CDK8: variants seen among roughly 807,000 people sequenced by gnomAD.
CDK8 encodes the protein cyclin dependent kinase 8.
CDK8 carries 29 observed loss-of-function variants against 71.5 expected under a neutral mutation model. The ratio of observed to expected loss-of-function variants is 0.41; its 90% CI spans 0.30 to 0.55. CDK8 has a LOEUF of 0.55. Ranked by LOEUF, CDK8 falls within the 20% of genes least tolerant of loss-of-function variation. The pLI, the probability that CDK8 is intolerant of heterozygous loss-of-function variation, is 0.37. For synonymous variants in CDK8, 161 were observed against 192.1 expected, an observed-to-expected ratio of 0.84 and a Z score of 1.34; for missense variants, 288 against 572.6, an observed-to-expected ratio of 0.50 and a Z score of 5.07.
At chr13:26,290,116 C>A (rs1204578140) in intron 1 of CDK8, among the ~76,000 whole-genome samples, 1 of 152,006 alleles carries the variant, frequency 6.6e-6, no homozygotes, top group African/African-American at 2.4e-5. Context: ...AAACTAGATC[C>A]AGGAAGTTGC....
intron 1 of CDK8, among the ~76,000 whole-genome samples, chr13:26,298,938 A>C (rs1873689148): frequency 1.3e-5 from 2 of 151,994 alleles, no homozygotes; most frequent in Non-Finnish European, 2.9e-5. Context: ...TAAGAGCACC[A>C]GTGGTTAACT....
intron 1 of CDK8, among the ~76,000 whole-genome samples, chr13:26,329,443 A>AT (rs71080254): frequency 0.87 from 127,150 of 145,462 alleles, 56,081 homozygotes; most frequent in East Asian, 1. Context: ...GCCATAAAAT[A>AT]CCCCCATCTT....
chr13:26,271,355 A>G lies in CDK8; in HGVS notation c.128+16586A>G, dbSNP rs969066490. 8.5e-5 allele frequency among the ~76,000 whole-genome samples: 13 copies of G among 152,314 alleles called. No homozygotes were observed. In the South Asian group the frequency reaches 2.3e-3, roughly 27 times the overall value. ...ACACCTAGATGGTATAGCCTACAAC[A>G]CACCTAGGCTATATGGTGTAGCCTA... is the stretch of plus-strand genomic sequence containing the variant. On this transcript the variant is annotated intron_variant, in intron 1 of 12. Transcript: ENST00000381527.
At chr13:26,370,768 C>T (rs911767186) in intron 4 of CDK8, among the ~76,000 whole-genome samples, 1 of 152,004 alleles carries the variant, frequency 6.6e-6, no homozygotes, top group African/African-American at 2.4e-5. Context: ...ATTAAAAGAG[C>T]CTTGATAAGA....
intron 1 of CDK8, among the ~76,000 whole-genome samples, chr13:26,259,544 C>T (rs2137850560): frequency 6.6e-6 from 1 of 152,246 alleles, no homozygotes; most frequent in South Asian, 2.1e-4. Context: ...TCCTGGAACG[C>T]ACCCCTTGTG....
At chr13:26,395,170 A>T (rs1387362840) in intron 7 of CDK8, among the ~76,000 whole-genome samples, 1 of 152,224 alleles carries the variant, frequency 6.6e-6, no homozygotes, top group African/African-American at 2.4e-5. Flanking sequence ...GTTCAAAGAA[A>T]AGCAAGCCTC....
intron 4 of CDK8, among the ~76,000 whole-genome samples, chr13:26,375,807 A>T (rs1188797669): frequency 2.6e-5 from 4 of 152,256 alleles, no homozygotes; most frequent in African/African-American, 9.6e-5. Flanking sequence ...AAAAGTTTTT[A>T]AAAGTCCAGT....
chr13:26,297,646 G>C (rs541810639), intron 1 of CDK8, among the ~76,000 whole-genome samples: 35 of 152,110 alleles, frequency 2.3e-4, no homozygotes, highest in Non-Finnish European at 4.6e-4. Context: ...CAAGTTCAAG[G>C]ACTGTCTTTC....
intron 6 of CDK8, among the ~76,000 whole-genome samples, 177 bp from the exon 7 acceptor site, chr13:26,393,190 T>C (rs1323313634): frequency 6.6e-6 from 1 of 152,134 alleles, no homozygotes; most frequent in Non-Finnish European, 1.5e-5. Context: ...TCATGGTATT[T>C]AGTAATTATA....
At chr13:26,375,166 GA>G (rs1391677355) in intron 4 of CDK8, among the ~76,000 whole-genome samples, 2 of 152,028 alleles carry the variant, frequency 1.3e-5, no homozygotes, top group Admixed American at 6.6e-5. Context: ...TTTATAAGGA[GA>G]AAAAAACCAA....
chr13:26,300,993 ATTTTGT>A (rs1873800167), intron 1 of CDK8, among the ~76,000 whole-genome samples: 1 of 152,038 alleles, frequency 6.6e-6, no homozygotes, highest in Non-Finnish European at 1.5e-5. Flanking sequence ...CATTGTGGTG[ATTTTGT>A]TTTTTGTTTT....
At chr13:26,290,135 A>C (rs1374684159) in intron 1 of CDK8, among the ~76,000 whole-genome samples, 1 of 152,222 alleles carries the variant, frequency 6.6e-6, no homozygotes, top group Non-Finnish European at 1.5e-5. Context: ...GCTAATTCTT[A>C]GCATGAGCAT....
At chr13:26,382,061 C>G (rs1025895545) in intron 4 of CDK8, among the ~76,000 whole-genome samples, 2 of 152,122 alleles carry the variant, frequency 1.3e-5, no homozygotes, top group Admixed American at 6.5e-5. Context: ...TTCTTCCCCT[C>G]TCTGCTTTCT....
intron 12 of CDK8, among the ~76,000 whole-genome samples, chr13:26,402,511 A>G (rs1191768133): frequency 6.6e-6 from 1 of 152,218 alleles, no homozygotes; most frequent in Admixed American, 6.5e-5. Context: ...TAAACTGATA[A>G]GGTCCCGAGT....
intron 1 of CDK8, among the ~76,000 whole-genome samples, chr13:26,296,834 G>C (rs183031831): frequency 6.6e-6 from 1 of 152,146 alleles, no homozygotes; most frequent in African/African-American, 2.4e-5. Context: ...AACTGAGACC[G>C]CCTCCAAATA....
At chr13:26,256,616 A>G (rs1871536252) in intron 1 of CDK8, among the ~76,000 whole-genome samples, 1 of 152,212 alleles carries the variant, frequency 6.6e-6, no homozygotes, top group South Asian at 2.1e-4. Context: ...GTACTTAAGC[A>G]CATTTTATAT....
intron 3 of CDK8, among the ~76,000 whole-genome samples, chr13:26,349,985 TACTATTG>T: frequency 6.6e-6 from 1 of 152,328 alleles, no homozygotes; most frequent in East Asian, 1.9e-4. Flanking sequence ...CACACTTATT[TACTATTG>T]TGTCACAATT....
chr13:26,359,702 G>A (rs1159697759), intron 4 of CDK8: 1 of 426,498 alleles, frequency 2.3e-6, no homozygotes, highest in Non-Finnish European at 4.7e-6. Context: ...GCAGCTATGT[G>A]GCCTCATTTT....
At chr13:26,272,871 G>A (rs1414603269) in intron 1 of CDK8, among the ~76,000 whole-genome samples, 1 of 152,148 alleles carries the variant, frequency 6.6e-6, no homozygotes, top group Non-Finnish European at 1.5e-5. Context: ...CCTATGTGCT[G>A]TTGTCTTCAA....
Sources: gnomAD v4.1 joint callset for allele counts (sites outside exome capture counted in the v4.1 genomes callset) on GRCh38, gnomAD v4.1.1 for gene constraint, MANE v1.5 for transcripts, NCBI Gene and HGNC (gene_info 2026-07-23, HGNC 2026-07-21) for gene names.